ARHGEF16: variants seen among roughly 807,000 people sequenced by gnomAD.
ARHGEF16 encodes the protein Rho guanine exchange factor (GEF) 16.
Under a neutral mutation model 74.1 loss-of-function variants are expected in ARHGEF16, and 59 were observed. The observed-to-expected ratio is 0.80, with a 90% CI of 0.65 to 0.99. The LOEUF (loss-of-function observed/expected upper bound fraction) is 0.99. ARHGEF16 is among the 50% of genes least tolerant of loss of function. The pLI is 0.00. For synonymous variants in ARHGEF16, 415 were observed against 412.6 expected (o/e 1.01, Z -0.07); for missense variants, 948 against 986.6 (o/e 0.96, Z 0.52).
chr1:3,456,164 T>G (rs745534110), intron 1 of ARHGEF16, among the ~76,000 whole-genome samples: 40 of 152,142 alleles, frequency 2.6e-4, no homozygotes, highest in Non-Finnish European at 7.4e-5. Context: ...CGCTGGCTCT[T>G]CGGGGGCCAT....
chr1:3,475,829 C>T (rs1051831390), intron 9 of ARHGEF16, 141 bp from the exon 10 acceptor site: 14 of 703,622 alleles, frequency 2.0e-5, no homozygotes, highest in Admixed American at 2.9e-5. Flanking sequence ...AGTTGATGAG[C>T]CCGTGGCACG....
At chr1:3,461,164 T>G (rs1485011213) in intron 1 of ARHGEF16, among the ~76,000 whole-genome samples, 1 of 152,180 alleles carries the variant, frequency 6.6e-6, no homozygotes, top group Non-Finnish European at 1.5e-5. Flanking sequence ...TGGTGGTGGT[T>G]ATTGTTTTTA....
intron 1 of ARHGEF16, among the ~76,000 whole-genome samples, chr1:3,461,329 G>A (rs760323104): frequency 4.7e-4 from 72 of 152,218 alleles, no homozygotes; most frequent in Non-Finnish European, 7.9e-4. Context: ...GCCTCACACC[G>A]GCCAGGCCTG....
chr1:3,463,428 G>T lies in ARHGEF16; in HGVS notation c.344G>T (p.Arg115Met), dbSNP rs1639454828. The T allele has an allele frequency of 6.5e-7, 1 of 1,547,504 alleles. No individual in the cohort carries two copies. Among genetic ancestry groups the T allele is most frequent in the Non-Finnish European group, 8.7e-7 (1 of 1,145,478 alleles). ...HQSFGAAVLSREAARRDPKLL... is the reference protein window; with the variant it reads ...HQSFGAAVLSMEAARRDPKLL... The stretch of plus-strand genomic sequence containing the variant: ...AGCTTCGGGGCGGCTGTACTTAGCA[G>T]GGAGGCCGCCCGGCGGGACCCTAAG... The change falls in exon 2 of 15, where the codon AGG becomes ATG. Residue 115 changes from arginine (R) to methionine (M), a missense_variant. Coordinates refer to ENST00000378378, the MANE Select transcript of ARHGEF16 (RefSeq NM_014448.4).
In ARHGEF16 at chr1:3,473,112, C is replaced by T; in HGVS notation, c.1057C>T (p.Gln353Ter). The change falls in exon 7 of 15, where the codon CAG becomes TAG. Residue 353 changes from glutamine (Q) to a stop codon, truncating the protein, a stop_gained. Transcript: ENST00000378378. LOFTEE classifies it high-confidence loss of function. ...GGACCTGGAGCAGCGGCACAAGGCC[C>T]AGGTGCTGGTCGAGGACATCAGTGA... ...FEDLEQRHKA[Q>*]VLVEDISDIL... The T allele has an allele frequency of 6.2e-7, 1 of 1,613,408 alleles. No individual in the cohort carries two copies. The highest frequency in any genetic ancestry group is 8.5e-7 in the Non-Finnish European group (1 of 1,179,974).
At chr1:3,468,189 G>A (rs1639601851) in intron 4 of ARHGEF16, among the ~76,000 whole-genome samples, 1 of 152,216 alleles carries the variant, frequency 6.6e-6, no homozygotes, top group African/African-American at 2.4e-5. Flanking sequence ...AACTGCCAGA[G>A]TTTCCGACCC....
chr1:3,478,254 A>G, intron 11 of ARHGEF16, 170 bp from the exon 12 acceptor site: 1 of 917,218 alleles, frequency 1.1e-6, no homozygotes, highest in Non-Finnish European at 1.7e-6. Flanking sequence ...AGCCACGAGG[A>G]GGACTCGAAA....
chr1:3,467,878 G>A (rs1569854442), intron 4 of ARHGEF16, among the ~76,000 whole-genome samples: 1 of 152,270 alleles, frequency 6.6e-6, no homozygotes, highest in Middle Eastern at 3.4e-3. Flanking sequence ...TGAGGCCCAA[G>A]GGAGGGGACC....
intron 9 of ARHGEF16, among the ~76,000 whole-genome samples, 172 bp downstream of exon 9, chr1:3,474,954 C>G (rs1403874801): frequency 6.6e-5 from 10 of 151,334 alleles, no homozygotes; most frequent in Admixed American, 6.6e-4. Flanking sequence ...GAAACTGAGG[C>G]CCAGAGGTTC....
At chr1:3,468,366 G>GTGCT (rs1639606468) in intron 4 of ARHGEF16, among the ~76,000 whole-genome samples, 1 of 152,168 alleles carries the variant, frequency 6.6e-6, no homozygotes, top group South Asian at 2.1e-4. Flanking sequence ...TGGTCCTGAC[G>GTGCT]TGCTCTACCA....
intron 2 of ARHGEF16, among the ~76,000 whole-genome samples, chr1:3,465,442 C>T (rs1408372933): frequency 1.3e-5 from 2 of 151,970 alleles, no homozygotes; most frequent in East Asian, 1.9e-4. Context: ...GACCTGGAGG[C>T]CGAAGGGGGG....
chr1:3,455,810 C>G (rs1238146483), intron 1 of ARHGEF16, among the ~76,000 whole-genome samples: 1 of 152,132 alleles, frequency 6.6e-6, no homozygotes, highest in Non-Finnish European at 1.5e-5. Context: ...GTGAACTAAG[C>G]AGCTCTTGGG....
intron 5 of ARHGEF16, 36 bp from the exon 6 acceptor site, chr1:3,469,390 TGTCCAGC>T: frequency 6.2e-7 from 1 of 1,607,102 alleles, no homozygotes; most frequent in South Asian, 1.1e-5. Flanking sequence ...GGCACGCCCG[TGTCCAGC>T]GTCACTGTGG....
intron 10 of ARHGEF16, among the ~76,000 whole-genome samples, chr1:3,476,492 A>G (rs556205600): frequency 4.3e-4 from 65 of 152,268 alleles, no homozygotes; most frequent in African/African-American, 1.5e-3. Flanking sequence ...GGGCCAGCCC[A>G]GATTCCATGT....
rs777307132 is a variant in ARHGEF16, at chr1:3,463,395, G to T, written c.311G>T (p.Arg104Leu). The change falls in exon 2 of 15, where the codon CGC (arginine) becomes CTC (leucine). Residue 104 changes from arginine to leucine, a missense_variant. Transcript: ENST00000378378. Reference protein sequence around the residue: ...AVASKAKTPARHQSFGAAVLS... With the variant: ...AVASKAKTPALHQSFGAAVLS... ...GCCAGCAAGGCAAAGACCCCAGCCCGCCACCAGAGCTTCGGGGCGGCTGTA... is the reference window on the plus strand; with the variant it reads ...GCCAGCAAGGCAAAGACCCCAGCCCTCCACCAGAGCTTCGGGGCGGCTGTA... 2.8e-5 allele frequency: 44 copies of T among 1,550,136 alleles called. 1 individual carries two copies. The South Asian group carries it at 5.2e-4, about 18-fold the overall frequency.
intron 1 of ARHGEF16, among the ~76,000 whole-genome samples, chr1:3,458,511 G>A (rs144803659): frequency 7.2e-5 from 11 of 152,358 alleles, no homozygotes; most frequent in East Asian, 3.9e-4. Flanking sequence ...GAAACCAGCC[G>A]GCCTGCAGGA....
In ARHGEF16 at chr1:3,463,272, C is replaced by G; in HGVS notation, c.188C>G (p.Pro63Arg). Reference protein sequence around the residue: ...QVPAPPQPRPPGHEEPWPIVL... With the variant: ...QVPAPPQPRPRGHEEPWPIVL... ...CCGGCACCCCCACAGCCTCGGCCCC[C>G]GGGGCACGAGGAGCCATGGCCCATC... Residue 63 changes from proline (P) to arginine (R), a missense_variant, in exon 2 of 15, where the codon CCG becomes CGG. Physicochemically the swap from Pro to Arg is moderately radical, Grantham distance 103. Transcript: ENST00000378378. 6.5e-7 allele frequency: 1 copy of G among 1,549,744 alleles called. No individual in the cohort carries two copies. The highest frequency in any genetic ancestry group is 8.7e-7 in the Non-Finnish European group (1 of 1,146,648).
chr1:3,467,020 C>A, intron 3 of ARHGEF16, 148 bp from the exon 4 acceptor site: 1 of 814,180 alleles, frequency 1.2e-6, no homozygotes, highest in Non-Finnish European at 1.9e-6. Context: ...GGACTGGTGC[C>A]CAGCCTGGGG....
intron 1 of ARHGEF16, among the ~76,000 whole-genome samples, chr1:3,462,528 C>T (rs998360366): frequency 4.6e-5 from 7 of 152,288 alleles, no homozygotes; most frequent in South Asian, 4.1e-4. Flanking sequence ...TGGTCACTGC[C>T]GCTGTGGCTG....
Sources: allele counts gnomAD v4.1 joint callset (sites outside exome capture counted in the v4.1 genomes callset), GRCh38; gene constraint gnomAD v4.1.1; transcripts MANE v1.5; gene names NCBI Gene and HGNC (gene_info 2026-07-23, HGNC 2026-07-21).